ARL15: variants seen among roughly 807,000 people sequenced by gnomAD.
ARL15 encodes the protein ARF like GTPase 15.
A neutral mutation model predicts 25.2 loss-of-function variants in ARL15; 19 were observed. That is an observed-to-expected ratio of 0.75 (90% confidence interval 0.53 to 1.10). ARL15 has a LOEUF of 1.10. Among genes scored for constraint, ARL15 ranks in the 50% least tolerant of loss-of-function variants. The pLI is 0.00. For missense variants in ARL15, 220 were observed against 246.0 expected (o/e 0.89, Z 0.71); for synonymous variants, 94 against 86.8 (o/e 1.08, Z -0.46).
intron 4 of ARL15, among the ~76,000 whole-genome samples, chr5:54,017,604 A>AT (rs2111820462): frequency 1.6e-5 from 2 of 127,470 alleles, no homozygotes; most frequent in South Asian, 4.9e-4. Context: ...AAAAAAAAAA[A>AT]CCCAAACCAA....
At chr5:54,087,254 G>C (rs933634959) in intron 4 of ARL15, among the ~76,000 whole-genome samples, 1 of 152,038 alleles carries the variant, frequency 6.6e-6, no homozygotes, top group African/African-American at 2.4e-5. Flanking sequence ...TGTGAATCCG[G>C]GAGGCGGAGC....
At position 54,117,304 on chromosome 5, in the gene ARL15, T is replaced by C. The variant is rs532059184; in HGVS notation, c.254-3894A>G. The stretch of plus-strand genomic sequence containing the variant: ...CAACTTGTGCAGTCAACTCTTTCAA[T>C]GAGAAACTATGTTTTCATTGGCCAC... On this transcript the variant is annotated intron_variant, in intron 3 of 4. Coordinates refer to ENST00000504924, the MANE Select transcript of ARL15 (RefSeq NM_019087.3). Among the ~76,000 whole-genome samples the C allele has an allele frequency of 9.2e-5, 14 of 151,456 alleles. No homozygotes were observed. The South Asian group carries it at 2.3e-3, about 25-fold the overall frequency.
At chr5:54,167,753 G>A (rs1398953548) in intron 2 of ARL15, among the ~76,000 whole-genome samples, 1 of 151,986 alleles carries the variant, frequency 6.6e-6, no homozygotes, top group Non-Finnish European at 1.5e-5. Flanking sequence ...CTCTTTTTCT[G>A]TCCACCTTCT....
chr5:53,910,633 T>TATATATATATATA (rs1491507286), intron 4 of ARL15, among the ~76,000 whole-genome samples: 2 of 55,018 alleles, frequency 3.6e-5, no homozygotes, highest in African/African-American at 7.4e-5. Flanking sequence ...TAAAAAAAAA[T>TATATATATATATA]TATATATATA....
intron 1 of ARL15, among the ~76,000 whole-genome samples, chr5:54,300,150 C>T (rs181970130): frequency 6.6e-6 from 1 of 152,180 alleles, no homozygotes; most frequent in African/African-American, 2.4e-5. Flanking sequence ...TATCTCCCTT[C>T]TGCCCTTGAA....
chr5:54,254,000 TTTC>T lies in ARL15; in HGVS notation c.48+56429_48+56431del, dbSNP rs1433113380. Among the ~76,000 whole-genome samples the T allele has an allele frequency of 2.0e-5, 3 of 152,344 alleles. No homozygotes were observed. The South Asian group carries it at 6.2e-4, about 32-fold the overall frequency. On this transcript the variant is annotated intron_variant, in intron 1 of 4. Coordinates refer to ENST00000504924, the MANE Select transcript of ARL15 (RefSeq NM_019087.3). ...GCAATCTTTGAAGATCACTAACAAG[TTTC>T]TTAAGACATGGGAGCATTGCAAGAT...
intron 4 of ARL15, among the ~76,000 whole-genome samples, chr5:54,037,617 A>G (rs1033737614): frequency 2.6e-5 from 4 of 152,092 alleles, no homozygotes; most frequent in Non-Finnish European, 5.9e-5. Flanking sequence ...AAAATATTTC[A>G]AAGGTTTTAG....
chr5:54,034,108 C>T (rs1205069803), intron 4 of ARL15, among the ~76,000 whole-genome samples: 2 of 152,132 alleles, frequency 1.3e-5, no homozygotes, highest in African/African-American at 4.8e-5. Context: ...CCACCACGCC[C>T]GGCACAAGGT....
At chr5:54,087,163 C>T (rs1561218739) in intron 4 of ARL15, among the ~76,000 whole-genome samples, 1 of 152,010 alleles carries the variant, frequency 6.6e-6, no homozygotes, top group African/African-American at 2.4e-5. Flanking sequence ...AGTGAAACCC[C>T]GTCGCTACTA....
chr5:54,148,784 A>G (rs1357770654), intron 3 of ARL15, among the ~76,000 whole-genome samples: 1 of 152,196 alleles, frequency 6.6e-6, no homozygotes, highest in Non-Finnish European at 1.5e-5. Flanking sequence ...AAGTCATTTG[A>G]CACACCCAGT....
intron 4 of ARL15, among the ~76,000 whole-genome samples, chr5:54,023,296 C>CTG (rs77218106): frequency 6.6e-6 from 1 of 151,672 alleles, no homozygotes; most frequent in Non-Finnish European, 1.5e-5. Flanking sequence ...TCTAAACAGA[C>CTG]ACATTTAAAA....
intron 3 of ARL15, among the ~76,000 whole-genome samples, chr5:54,124,228 C>A (rs1024761115): frequency 3.9e-5 from 6 of 152,148 alleles, no homozygotes; most frequent in Non-Finnish European, 7.3e-5. Flanking sequence ...GACTTATTTT[C>A]ATAGTTGACT....
chr5:54,205,308 C>T (rs1025207352), intron 1 of ARL15, among the ~76,000 whole-genome samples: 1 of 152,118 alleles, frequency 6.6e-6, no homozygotes, highest in Non-Finnish European at 1.5e-5. Flanking sequence ...ATCGCTTGCC[C>T]AAGATGACAC....
chr5:54,230,358 A>G lies in ARL15; in HGVS notation c.49-58430T>C, dbSNP rs184704933. ...AGATTCCATCTCAGAAAAAAAAAAA[A>G]AAAAGAAAAGAAAAGAAAAAGAAAA... On this transcript the variant is annotated intron_variant, in intron 1 of 4. Transcript: ENST00000504924. Among the ~76,000 whole-genome samples the G allele has an allele frequency of 2.2e-3, 337 of 150,998 alleles. 2 individuals carry two copies. The highest frequency in any genetic ancestry group is 8.2e-3 in the South Asian group (39 of 4,770).
intron 3 of ARL15, among the ~76,000 whole-genome samples, chr5:54,117,196 C>A (rs994308988): frequency 1.3e-5 from 2 of 152,078 alleles, no homozygotes; most frequent in African/African-American, 4.8e-5. Flanking sequence ...TAGATGGTGT[C>A]CAGTGAGTCA....
At chr5:53,999,260 G>A (rs1443129262) in intron 4 of ARL15, among the ~76,000 whole-genome samples, 2 of 152,116 alleles carry the variant, frequency 1.3e-5, no homozygotes, top group Non-Finnish European at 2.9e-5. Context: ...ATAAGCTCAG[G>A]AAGAAGGGAA....
At chr5:53,936,811 G>C (rs1746361790) in intron 4 of ARL15, among the ~76,000 whole-genome samples, 2 of 152,192 alleles carry the variant, frequency 1.3e-5, no homozygotes, top group Admixed American at 1.3e-4. Context: ...GGGTTCGCTA[G>C]AGGGAAAAGT....
chr5:54,028,642 T>C (rs1433500574), intron 4 of ARL15, among the ~76,000 whole-genome samples: 2 of 152,296 alleles, frequency 1.3e-5, no homozygotes, highest in East Asian at 3.9e-4. Flanking sequence ...AACACTTAAT[T>C]GGCAGTCTAT....
chr5:54,027,007 A>T (rs1749803280), intron 4 of ARL15, among the ~76,000 whole-genome samples: 1 of 152,138 alleles, frequency 6.6e-6, no homozygotes, highest in African/African-American at 2.4e-5. Flanking sequence ...GGAAAATCTT[A>T]AGATTTTCTT....
Sources: allele counts gnomAD v4.1 joint callset (sites outside exome capture counted in the v4.1 genomes callset), GRCh38; gene constraint gnomAD v4.1.1; transcripts MANE v1.5; gene names NCBI Gene and HGNC (gene_info 2026-07-23, HGNC 2026-07-21).